The following DSTYK variants were observed in gnomAD, a reference collection of about 807,000 sequenced individuals.
DSTYK encodes RIP-homologous kinase.
In DSTYK, 34 loss-of-function variants were observed where a neutral mutation model predicts 98.7. The ratio of observed to expected loss-of-function variants is 0.34; its 90% CI spans 0.26 to 0.46. DSTYK has a LOEUF of 0.46. DSTYK is among the 20% of genes least tolerant of loss of function. DSTYK has a pLI of 1.00. For synonymous variants in DSTYK, 462 were observed against 457.3 expected, an observed-to-expected ratio of 1.01 and a Z score of -0.13; for missense variants, 962 against 1,181.7, an observed-to-expected ratio of 0.81 and a Z score of 2.73.
At chr1:205,175,254 G>A (rs755731666) in intron 2 of DSTYK, among the ~76,000 whole-genome samples, 3 of 151,840 alleles carry the variant, frequency 2.0e-5, no homozygotes, top group East Asian at 1.9e-4. Context: ...GCGCACGCCC[G>A]GCAATTTTTT....
chr1:205,184,182 A>G (rs1300680491), intron 2 of DSTYK, among the ~76,000 whole-genome samples: 2 of 152,032 alleles, frequency 1.3e-5, no homozygotes, highest in African/African-American at 4.8e-5. Flanking sequence ...ATGCTCAGAT[A>G]CGCGCTTGGG....
intron 1 of DSTYK, among the ~76,000 whole-genome samples, chr1:205,204,874 C>T (rs911556267): frequency 6.6e-6 from 1 of 152,090 alleles, no homozygotes; most frequent in African/African-American, 2.4e-5. Flanking sequence ...GTATTACTCC[C>T]ATTATATATA....
chr1:205,199,753 C>A (rs996053040), intron 1 of DSTYK, among the ~76,000 whole-genome samples: 1 of 152,160 alleles, frequency 6.6e-6, no homozygotes, highest in Non-Finnish European at 1.5e-5. Context: ...ATGTAGGAAG[C>A]AAACCCCGTC....
rs1440462343 is a variant in DSTYK at position 205,143,780 on chromosome 1, C to A, written c.*3778G>T. The A allele has an allele frequency of 1.3e-5, 2 of 152,596 alleles. No individual in the cohort carries two copies. Among genetic ancestry groups the A allele is most frequent in the Non-Finnish European group, 2.9e-5 (2 of 68,048 alleles). 9.5% of individuals were successfully genotyped at this position (152,596 alleles called of 1,614,324 possible). On this transcript the variant is annotated 3_prime_UTR_variant, in exon 13 of 13. Coordinates refer to ENST00000367162, the MANE Select transcript of DSTYK (RefSeq NM_015375.3). ...CAGCTCAAGCAAAGACACAAGAATG[C>A]ATTTGAGAGCTGACAGGTACTAGTC...
Position 205,211,419 on chromosome 1 carries a change from T to A in DSTYK, c.117A>T (p.Gly39=), listed in dbSNP as rs1328419557. The change falls in exon 1 of 13, where the codon GGA becomes GGT. Residue 39 remains glycine, a synonymous_variant. Coordinates refer to ENST00000367162, the MANE Select transcript of DSTYK (RefSeq NM_015375.3). ...RGFGRYRRYL[G]RLRQNLRETQ... Reference sequence around the variant, plus strand: ...TCTCGCGCAGGTTCTGTCGCAGCCGTCCCAGGTAGCGGCGGTAGCGGCCGA... The same window carrying A: ...TCTCGCGCAGGTTCTGTCGCAGCCGACCCAGGTAGCGGCGGTAGCGGCCGA... 8.1e-6 allele frequency: 13 copies of A among 1,609,650 alleles called. No homozygotes were observed. The highest frequency in any genetic ancestry group is 3.3e-4 in the Middle Eastern group (2 of 6,052).
intron 1 of DSTYK, among the ~76,000 whole-genome samples, chr1:205,191,072 C>G (rs1025607990): frequency 6.6e-6 from 1 of 152,146 alleles, no homozygotes; most frequent in Non-Finnish European, 1.5e-5. Context: ...ACACTTCCCC[C>G]CTCCATCTTT....
chr1:205,200,142 T>C (rs1246999320), intron 1 of DSTYK, among the ~76,000 whole-genome samples: 14 of 152,066 alleles, frequency 9.2e-5, no homozygotes, highest in Admixed American at 9.2e-4. Flanking sequence ...GTTCAAGAGA[T>C]CCTCCTGCCT....
chr1:205,152,157 T>C (rs570194712), intron 10 of DSTYK, among the ~76,000 whole-genome samples: 1 of 152,264 alleles, frequency 6.6e-6, no homozygotes, highest in Non-Finnish European at 1.5e-5. Flanking sequence ...AGGAATTTTT[T>C]AGTCCATTAT....
In DSTYK at chr1:205,148,362, C is replaced by T. The variant is rs142944863; in HGVS notation, c.2468-23G>A. ...TCCCTGATGGCAAGAAAGGATGAAA[C>T]GTAATGAGCCACAGAGAGTCAGGCA... is the stretch of plus-strand genomic sequence containing the variant. On this transcript the variant is annotated intron_variant, in intron 11 of 12. Coordinates refer to ENST00000367162, the MANE Select transcript of DSTYK (RefSeq NM_015375.3). 1,060 of 1,611,592 alleles carry T rather than the reference C, an allele frequency of 6.6e-4. 6 individuals carry two copies. The African/African-American group carries it at 0.012, about 19-fold the overall frequency.
intron 2 of DSTYK, among the ~76,000 whole-genome samples, chr1:205,174,792 G>A (rs1158419137): frequency 7.0e-6 from 1 of 143,734 alleles, no homozygotes; most frequent in Non-Finnish European, 1.5e-5. Context: ...AGGCTGGAGT[G>A]CAATGGCACA....
intron 1 of DSTYK, among the ~76,000 whole-genome samples, chr1:205,189,892 C>T (rs568517005): frequency 6.6e-6 from 1 of 152,268 alleles, no homozygotes; most frequent in East Asian, 1.9e-4. Context: ...TAATTCTGTG[C>T]AAGGGTATTT....
rs1657152871 is a variant in DSTYK at position 205,144,131 on chromosome 1, C to A, written c.*3427G>T. 6.6e-6 allele frequency: 1 copy of A among 152,504 alleles called. No homozygotes were observed. The highest frequency in any genetic ancestry group is 1.9e-4 in the East Asian group (1 of 5,182). 9.4% of individuals were successfully genotyped at this position (152,504 alleles called of 1,614,324 possible). ...GGGTCAGCCATTCCAGGGCCCCAGG[C>A]TCCACCATTTCTCCTGACTGCTCTG... On this transcript the variant is annotated 3_prime_UTR_variant, in exon 13 of 13. Coordinates refer to ENST00000367162, the MANE Select transcript of DSTYK (RefSeq NM_015375.3).
intron 1 of DSTYK, among the ~76,000 whole-genome samples, chr1:205,188,701 G>T (rs1392818933): frequency 6.6e-6 from 1 of 152,178 alleles, no homozygotes; most frequent in African/African-American, 2.4e-5. Context: ...TGTATAAAAT[G>T]TATAAATGTA....
At chr1:205,154,056 C>CGTGTGTGTGTGT (rs34909035) in intron 10 of DSTYK, among the ~76,000 whole-genome samples, 5 of 143,550 alleles carry the variant, frequency 3.5e-5, no homozygotes, top group East Asian at 2.1e-4. Context: ...AGTATGCACA[C>CGTGTGTGTGTGT]GTGTGTGTGT....
At position 205,147,762 on chromosome 1, in the gene DSTYK, G is replaced by C. The variant is rs1241664631; in HGVS notation, c.2603-17C>G. 1 of 1,609,198 alleles carries C rather than the reference G, an allele frequency of 6.2e-7. No individual in the cohort carries two copies. Among genetic ancestry groups the C allele is most frequent in the Non-Finnish European group, 8.5e-7 (1 of 1,176,056 alleles). ...GGCGAGCCCCTAGAGAAAGGAGCAT[G>C]GAAACAAGATCACAGTGAGAGGGAC... On this transcript the variant is annotated splice_polypyrimidine_tract_variant and intron_variant, in intron 12 of 12. Coordinates refer to ENST00000367162, the MANE Select transcript of DSTYK (RefSeq NM_015375.3).
chr1:205,191,110 T>A (rs1329598647), intron 1 of DSTYK, among the ~76,000 whole-genome samples: 1 of 152,148 alleles, frequency 6.6e-6, no homozygotes, highest in African/African-American at 2.4e-5. Context: ...CAAATAAACT[T>A]GCTACTGTCA....
At chr1:205,187,343 C>G (rs1658584062) in intron 2 of DSTYK, 75 bp downstream of exon 2, 2 of 1,483,824 alleles carry the variant, frequency 1.3e-6, no homozygotes, top group Non-Finnish European at 1.8e-6. Context: ...CATCGAATTA[C>G]TTTTTTAGAA....
chr1:205,159,708 C>T, intron 8 of DSTYK, 29 bp from the exon 9 acceptor site: 1 of 1,611,948 alleles, frequency 6.2e-7, no homozygotes, highest in Non-Finnish European at 8.5e-7. Flanking sequence ...ATCTGGGCTA[C>T]AAGGCTTGGG....
In DSTYK at chr1:205,147,580, CTGTT is replaced by C. The variant is rs746299902; in HGVS notation, c.2764_2767del (p.Asn922GlufsTer3). 15 of 1,611,862 alleles carry C rather than the reference CTGTT, an allele frequency of 9.3e-6. 1 individual carries two copies. In the Admixed American group the frequency reaches 1.3e-4, roughly 14 times the overall value. On this transcript the variant is annotated frameshift_variant, in exon 13 of 13. Transcript: ENST00000367162. LOFTEE classifies it high-confidence loss of function. Reference sequence around the variant, plus strand: ...CTTTCAAGTAGAATCATCTAGTCCTCTGTTTGGCTGCTCAGAATTGGACTTGCAG... The same window carrying C: ...CTTTCAAGTAGAATCATCTAGTCCTCTGGCTGCTCAGAATTGGACTTGCAG...
Sources: allele counts gnomAD v4.1 joint callset (sites outside exome capture counted in the v4.1 genomes callset), GRCh38; gene constraint gnomAD v4.1.1; transcripts MANE v1.5; gene names NCBI Gene and HGNC (gene_info 2026-07-23, HGNC 2026-07-21).